FGF14: variants seen among roughly 807,000 people sequenced by gnomAD.
FGF14 encodes the protein fibroblast growth factor homologous factor 4.
FGF14 carries 5 observed loss-of-function variants against 25.5 expected under a neutral mutation model. The observed-to-expected ratio is 0.20, with a 90% confidence interval of 0.10 to 0.41. The LOEUF (loss-of-function observed/expected upper bound fraction) is 0.41, where lower values mean the gene tolerates loss of function less well. Among genes scored for constraint, FGF14 ranks in the 10% least tolerant of loss-of-function variants. The probability of loss-of-function intolerance (pLI) is 1.00; values close to 1 mark genes in which losing one functional copy is unlikely to be tolerated. For missense variants in FGF14, 222 were observed against 320.1 expected (o/e 0.69, Z 2.34); for synonymous variants, 138 against 118.3 (o/e 1.17, Z -1.08).
intron 1 of FGF14, among the ~76,000 whole-genome samples, chr13:102,036,073 T>G (rs554446320): frequency 6.6e-6 from 1 of 151,916 alleles, no homozygotes; most frequent in African/African-American, 2.4e-5. Context: ...AGTGGGGAAA[T>G]AGAGAGAGAA....
At position 102,116,900 on chromosome 13, in the gene FGF14, C is replaced by T. The variant is rs8000304; in HGVS notation, c.209-241604G>A. ...CTCCTCTTAGGTCCACACGGCCCTACCTTACCTCCCAGCACCAACACTGAA... is the reference window on the plus strand; with the variant it reads ...CTCCTCTTAGGTCCACACGGCCCTATCTTACCTCCCAGCACCAACACTGAA... On this transcript the variant is annotated intron_variant, in intron 1 of 4. Transcript: ENST00000376131. Among the ~76,000 whole-genome samples the T allele has an allele frequency of 7.9e-3, 1,199 of 152,316 alleles. 16 individuals carry two copies. The highest frequency in any genetic ancestry group is 0.026 in the African/African-American group (1,092 of 41,562).
intron 1 of FGF14, among the ~76,000 whole-genome samples, chr13:102,190,387 T>C (rs138294877): frequency 6.6e-6 from 1 of 152,344 alleles, no homozygotes; most frequent in African/African-American, 2.4e-5. Context: ...CATCTGGTAA[T>C]GTCTGGAAAA....
At chr13:102,378,962 G>C (rs1042586716) in intron 1 of FGF14, among the ~76,000 whole-genome samples, 34 of 152,070 alleles carry the variant, frequency 2.2e-4, no homozygotes, top group African/African-American at 7.0e-4. Context: ...ACCAGTACAA[G>C]CCAAAAGAAG....
intron 3 of FGF14, among the ~76,000 whole-genome samples, chr13:101,800,584 T>C (rs1416990454): frequency 1.3e-5 from 2 of 152,198 alleles, no homozygotes; most frequent in Non-Finnish European, 2.9e-5. Flanking sequence ...AGTTTCCATC[T>C]ATAAAATAGG....
intron 1 of FGF14, among the ~76,000 whole-genome samples, chr13:102,055,205 T>C (rs918593312): frequency 6.6e-6 from 1 of 152,190 alleles, no homozygotes; most frequent in African/African-American, 2.4e-5. Context: ...GTTTTTCTAG[T>C]CAATTTGAAT....
chr13:102,285,444 AGACTTATATCAAC>A lies in FGF14; in HGVS notation c.208+116014_208+116026del, dbSNP rs1387934273. On this transcript the variant is annotated intron_variant, in intron 1 of 4. Transcript: ENST00000376131. Reference sequence around the variant, plus strand: ...CAGTTGGTGGGGTAAATGCTAGTTAAGACTTATATCAACAATAAACTCGGTTCTTCAATAACCT... The same window carrying A: ...CAGTTGGTGGGGTAAATGCTAGTTAAAATAAACTCGGTTCTTCAATAACCT... Among the ~76,000 whole-genome samples the A allele has an allele frequency of 5.3e-5, 8 of 152,330 alleles. No individual in the cohort carries two copies. The South Asian group carries it at 1.7e-3, about 32-fold the overall frequency.
chr13:101,850,652 CTATA>C (rs1438372152), intron 3 of FGF14, among the ~76,000 whole-genome samples: 5 of 139,358 alleles, frequency 3.6e-5, no homozygotes, highest in Admixed American at 7.3e-5. Context: ...TATACATTCT[CTATA>C]TATTCTATAT....
At chr13:101,746,062 A>G (rs974504762) in intron 3 of FGF14, among the ~76,000 whole-genome samples, 1 of 152,058 alleles carries the variant, frequency 6.6e-6, no homozygotes, top group African/African-American at 2.4e-5. Flanking sequence ...GTTAATATGT[A>G]TGGTATTTAG....
At chr13:102,401,455 TGCATGTTTC>T in intron 1 of FGF14, 1 of 1,609,520 alleles carries the variant, frequency 6.2e-7, no homozygotes. Context: ...CATAACATGA[TGCATGTTTC>T]GCTTACCAGT....
rs532599614 is a variant in FGF14, at chr13:102,062,286, A to T, written c.209-186990T>A. Among the ~76,000 whole-genome samples the T allele has an allele frequency of 1.2e-3, 183 of 152,236 alleles. 2 individuals carry two copies. Among genetic ancestry groups the T allele is most frequent in the African/African-American group, 4.1e-3 (171 of 41,558 alleles). Reference sequence around the variant, plus strand: ...AAAACTCTACTTACTAGCAAATAATAAATACCCAAAATAAAATTCCAAAAA... The same window carrying T: ...AAAACTCTACTTACTAGCAAATAATTAATACCCAAAATAAAATTCCAAAAA... On this transcript the variant is annotated intron_variant, in intron 1 of 4. Coordinates refer to the FGF14 transcript ENST00000376131.
At chr13:102,002,695 T>A (rs1427146121) in intron 1 of FGF14, 1 of 152,740 alleles carries the variant, frequency 6.5e-6, no homozygotes, top group Non-Finnish European at 1.5e-5. Context: ...GGGACTATCT[T>A]GTCTTCTTTG....
chr13:102,075,021 A>G (rs1198954260), intron 1 of FGF14, among the ~76,000 whole-genome samples: 2 of 152,228 alleles, frequency 1.3e-5, no homozygotes, highest in Non-Finnish European at 2.9e-5. Context: ...GAACAAGACA[A>G]TGATGCCCAC....
At chr13:101,934,321 A>C (rs1813677159) in intron 1 of FGF14, among the ~76,000 whole-genome samples, 1 of 152,192 alleles carries the variant, frequency 6.6e-6, no homozygotes, top group Admixed American at 6.5e-5. Context: ...AACAAGAATA[A>C]ACTTCCACAT....
At chr13:101,832,815 G>C (rs2042740983) in intron 3 of FGF14, among the ~76,000 whole-genome samples, 1 of 152,060 alleles carries the variant, frequency 6.6e-6, no homozygotes, top group South Asian at 2.1e-4. Context: ...TTTAGGAGTA[G>C]TGTGGGATGA....
chr13:101,714,603 CAAGAG>C lies in FGF14; in HGVS notation c.*8223_*8227del. 9.5e-7 allele frequency: 1 copy of C among 1,054,570 alleles called. No individual in the cohort carries two copies. The highest frequency in any genetic ancestry group is 1.3e-5 in the South Asian group (1 of 79,182). The allele number at this position is 1,054,570 out of a possible 1,614,324, so 65.3% of individuals were successfully genotyped here. Reference sequence around the variant, plus strand: ...TCTATGCCACAGTTTGTTATAGAGCCAAGAGACACTCGTCATGCAATGCTTTAGGT... The same window carrying C: ...TCTATGCCACAGTTTGTTATAGAGCCACACTCGTCATGCAATGCTTTAGGT... On this transcript the variant is annotated 3_prime_UTR_variant, in exon 5 of 5. Transcript: ENST00000376143.
chr13:102,057,496 T>G (rs1261616531), intron 1 of FGF14, among the ~76,000 whole-genome samples: 4 of 152,198 alleles, frequency 2.6e-5, no homozygotes, highest in Non-Finnish European at 4.4e-5. Flanking sequence ...ACAAGATTAA[T>G]ACTTTAAAGT....
At chr13:102,294,443 GA>G (rs2054592943) in intron 1 of FGF14, among the ~76,000 whole-genome samples, 1 of 149,984 alleles carries the variant, frequency 6.7e-6, no homozygotes, top group Admixed American at 6.7e-5. Context: ...CATCCTGAAT[GA>G]TTAGGAAAAC....
chr13:101,992,205 T>A (rs1566543786), intron 1 of FGF14, among the ~76,000 whole-genome samples: 1 of 152,132 alleles, frequency 6.6e-6, no homozygotes, highest in Non-Finnish European at 1.5e-5. Context: ...AAGCCTCAGA[T>A]GCTATTTTAA....
intron 1 of FGF14, among the ~76,000 whole-genome samples, chr13:101,971,374 C>CT (rs34042855): frequency 0.02 from 2,891 of 146,452 alleles, 97 homozygotes; most frequent in African/African-American, 0.066. Flanking sequence ...CAGCATATAA[C>CT]TTTTTTTTTT....
Sources: gnomAD v4.1 joint callset for allele counts (sites outside exome capture counted in the v4.1 genomes callset) on GRCh38, gnomAD v4.1.1 for gene constraint, MANE v1.5 for transcripts, NCBI Gene and HGNC (gene_info 2026-07-23, HGNC 2026-07-21) for gene names.